DGKI: variants seen among roughly 807,000 people sequenced by gnomAD.
DGKI encodes diacylglycerol kinase iota, also known as DAG kinase iota.
A neutral mutation model predicts 147.5 loss-of-function variants in DGKI; 55 were observed. The ratio of observed to expected loss-of-function variants is 0.37; its 90% confidence interval spans 0.30 to 0.47. The LOEUF (loss-of-function observed/expected upper bound fraction) is 0.47, where lower values mean the gene tolerates loss of function less well. DGKI is among the 20% of genes least tolerant of loss of function. The probability of loss-of-function intolerance (pLI) is 1.00; values close to 1 mark genes in which losing one functional copy is unlikely to be tolerated. For synonymous variants in DGKI, 469 were observed against 477.1 expected (o/e 0.98, Z 0.22); for missense variants, 1,007 against 1,323.8 (o/e 0.76, Z 3.71).
chr7:137,449,846 A>C (rs773902941), intron 27 of DGKI, among the ~76,000 whole-genome samples: 10 of 152,246 alleles, frequency 6.6e-5, no homozygotes, highest in Non-Finnish European at 1.2e-4. Flanking sequence ...CATTTATTAC[A>C]GCACAATTAC....
chr7:137,714,754 A>G (rs1282587919), intron 1 of DGKI, among the ~76,000 whole-genome samples: 1 of 152,212 alleles, frequency 6.6e-6, no homozygotes, highest in Non-Finnish European at 1.5e-5. Context: ...TTAGAAACAA[A>G]GTAACTACCT....
intron 1 of DGKI, among the ~76,000 whole-genome samples, chr7:137,702,272 TAACCA>T (rs1432234994): frequency 2.0e-5 from 3 of 152,124 alleles, no homozygotes; most frequent in Non-Finnish European, 4.4e-5. Flanking sequence ...CAGAAACTTC[TAACCA>T]TAAAAGAAGA....
intron 3 of DGKI, among the ~76,000 whole-genome samples, chr7:137,672,044 A>G (rs1161012877): frequency 6.6e-6 from 1 of 152,100 alleles, no homozygotes. Flanking sequence ...ATACACGCTC[A>G]CTCACCTCAC....
intron 1 of DGKI, among the ~76,000 whole-genome samples, chr7:137,845,839 C>T (rs1007573997): frequency 3.9e-5 from 6 of 152,120 alleles, no homozygotes; most frequent in African/African-American, 1.4e-4. Flanking sequence ...AAGGAGCACG[C>T]AGGCATGGAG....
chr7:137,642,220 G>A (rs1006326291), intron 6 of DGKI, among the ~76,000 whole-genome samples: 2 of 152,136 alleles, frequency 1.3e-5, no homozygotes, highest in Non-Finnish European at 2.9e-5. Context: ...AATCCCTTGT[G>A]CTATGGTTTC....
chr7:137,723,748 C>T (rs575159150), intron 1 of DGKI, among the ~76,000 whole-genome samples: 6 of 121,564 alleles, frequency 4.9e-5, no homozygotes, highest in African/African-American at 1.5e-4. Flanking sequence ...CTTTCTCTGT[C>T]ACCCAGGCTG....
At chr7:137,529,367 A>AT (rs1346322762) in intron 20 of DGKI, among the ~76,000 whole-genome samples, 2 of 152,114 alleles carry the variant, frequency 1.3e-5, no homozygotes, top group African/African-American at 4.8e-5. Flanking sequence ...TTGAGCATAG[A>AT]TTTTTCATGT....
intron 21 of DGKI, among the ~76,000 whole-genome samples, chr7:137,496,700 G>A (rs573331454): frequency 1.6e-4 from 24 of 152,100 alleles, no homozygotes; most frequent in African/African-American, 5.5e-4. Context: ...GTAATGGGAA[G>A]AGGACTCCCT....
intron 16 of DGKI, among the ~76,000 whole-genome samples, chr7:137,577,759 ATT>A (rs925283364): frequency 6.6e-6 from 1 of 152,072 alleles, no homozygotes; most frequent in African/African-American, 2.4e-5. Context: ...CCTTTTTTTC[ATT>A]CTCTATTTAC....
chr7:137,747,405 A>T (rs139294916), intron 1 of DGKI, among the ~76,000 whole-genome samples: 50 of 152,322 alleles, frequency 3.3e-4, no homozygotes, highest in African/African-American at 1.1e-3. Context: ...CAGGGAACAT[A>T]AGGCCGATTC....
intron 21 of DGKI, among the ~76,000 whole-genome samples, chr7:137,508,017 T>G (rs1307863436): frequency 6.6e-6 from 1 of 151,992 alleles, no homozygotes; most frequent in African/African-American, 2.4e-5. Context: ...TGTTCAGGAA[T>G]TAGGAAGGTA....
At chr7:137,582,777 A>AGTTAAATGTTAGAACAATT (rs1356465237) in intron 14 of DGKI, among the ~76,000 whole-genome samples, 1 of 152,168 alleles carries the variant, frequency 6.6e-6, no homozygotes, top group Non-Finnish European at 1.5e-5. Context: ...TTTAAGCTTC[A>AGTTAAATGTTAGAACAATT]GTTAAATGTT....
At position 137,607,462 on chromosome 7, in the gene DGKI, T is replaced by C. The variant is rs78804940; in HGVS notation, c.1167+1504A>G. On this transcript the variant is annotated intron_variant, in intron 10 of 32. Coordinates refer to ENST00000614521, the MANE Select transcript of DGKI (RefSeq NM_001321708.2). ...TTAATAATTTACACATAGACTGGAA[T>C]AGGAACAGGCTATGTCTTAACTGGA... Among the ~76,000 whole-genome samples the C allele has an allele frequency of 6.5e-3, 993 of 152,294 alleles. 9 individuals carry two copies. The highest frequency in any genetic ancestry group is 0.022 in the African/African-American group (935 of 41,564).
intron 21 of DGKI, among the ~76,000 whole-genome samples, chr7:137,511,889 A>C (rs1466562038): frequency 6.6e-6 from 1 of 152,230 alleles, no homozygotes; most frequent in Non-Finnish European, 1.5e-5. Context: ...ATCTGTGTCC[A>C]ATAACCCTTG....
chr7:137,514,114 C>G (rs1296380359), intron 21 of DGKI, among the ~76,000 whole-genome samples: 1 of 152,084 alleles, frequency 6.6e-6, no homozygotes, highest in Non-Finnish European at 1.5e-5. Context: ...TGCTCATGAA[C>G]AAAATGCCCA....
At position 137,755,392 on chromosome 7, in the gene DGKI, G is replaced by C. The variant is rs1585448884; in HGVS notation, c.402-65390C>G. On this transcript the variant is annotated intron_variant, in intron 1 of 32. Transcript: ENST00000614521. ...TATTTTTTCACATGGCCTCAAGATG[G>C]TTGACTTTAGTTTAAGGGCAGAGGG... Among the ~76,000 whole-genome samples the C allele has an allele frequency of 2.6e-5, 4 of 152,164 alleles. No individual in the cohort carries two copies. The South Asian group carries it at 8.3e-4, about 32-fold the overall frequency.
chr7:137,432,909 T>G (rs1209293663), intron 28 of DGKI, among the ~76,000 whole-genome samples: 9 of 152,196 alleles, frequency 5.9e-5, no homozygotes, highest in African/African-American at 2.2e-4. Context: ...AGGGAAGTTG[T>G]AGAAAATCAA....
intron 27 of DGKI, among the ~76,000 whole-genome samples, chr7:137,448,524 G>A (rs1215984479): frequency 1.4e-5 from 2 of 141,216 alleles, no homozygotes; most frequent in African/African-American, 5.3e-5. Context: ...GGGAGGGAAG[G>A]AGTGAGGGAG....
intron 1 of DGKI, among the ~76,000 whole-genome samples, chr7:137,831,319 G>A (rs952687456): frequency 6.6e-6 from 1 of 152,200 alleles, no homozygotes; most frequent in Admixed American, 6.5e-5. Flanking sequence ...GTATTAGTCC[G>A]TTTTCATGCT....
Sources: gnomAD v4.1 joint callset for allele counts (sites outside exome capture counted in the v4.1 genomes callset) on GRCh38, gnomAD v4.1.1 for gene constraint, MANE v1.5 for transcripts, NCBI Gene and HGNC (gene_info 2026-07-23, HGNC 2026-07-21) for gene names.